CTNNA3: variants seen among roughly 807,000 people sequenced by gnomAD.
CTNNA3 encodes the protein catenin alpha 3, also known as catenin alpha-3.
CTNNA3 carries 76 observed loss-of-function variants against 95.7 expected under a neutral mutation model. That is an observed-to-expected ratio of 0.79 (90% CI 0.66 to 0.96). The LOEUF is 0.96. Among genes scored for constraint, CTNNA3 ranks in the 40% least tolerant of loss-of-function variants. The pLI is 0.00. For synonymous variants in CTNNA3, 431 were observed against 374.4 expected (o/e 1.15, Z -1.74); for missense variants, 1,191 against 1,089.8 (o/e 1.09, Z -1.31).
chr10:66,477,470 G>C (rs1392448519), intron 11 of CTNNA3, among the ~76,000 whole-genome samples: 1 of 152,062 alleles, frequency 6.6e-6, no homozygotes, highest in African/African-American at 2.4e-5. Flanking sequence ...TTATGTGGTT[G>C]ACAGTAATTT....
intron 5 of CTNNA3, among the ~76,000 whole-genome samples, chr10:67,233,877 C>A (rs1243034273): frequency 6.6e-6 from 1 of 152,178 alleles, no homozygotes; most frequent in African/African-American, 2.4e-5. Flanking sequence ...GAGAATACTA[C>A]AAACACCTCT....
At chr10:67,750,433 G>T in intron 1 of CTNNA3, 2 of 1,488,678 alleles carry the variant, frequency 1.3e-6, no homozygotes, top group Non-Finnish European at 1.9e-6. Context: ...ATGTCTATCA[G>T]AATGAACATG....
intron 10 of CTNNA3, among the ~76,000 whole-genome samples, chr10:66,586,949 C>T (rs1221491195): frequency 1.3e-5 from 2 of 152,136 alleles, no homozygotes; most frequent in Non-Finnish European, 2.9e-5. Context: ...TTCTACTGCT[C>T]CTCTAGGTCT....
At chr10:66,211,141 G>C (rs1369371044) in intron 13 of CTNNA3, among the ~76,000 whole-genome samples, 1 of 152,134 alleles carries the variant, frequency 6.6e-6, no homozygotes, top group Non-Finnish European at 1.5e-5. Flanking sequence ...CAGCACAGTT[G>C]CAACAGTAAC....
intron 9 of CTNNA3, among the ~76,000 whole-genome samples, chr10:66,706,678 G>T (rs1344465233): frequency 2.0e-5 from 3 of 151,960 alleles, no homozygotes; most frequent in African/African-American, 7.2e-5. Context: ...CTGGTAGAAA[G>T]ATAATCCTTT....
chr10:66,926,657 A>G, intron 7 of CTNNA3: 1 of 1,539,420 alleles, frequency 6.5e-7, no homozygotes, highest in Non-Finnish European at 9.0e-7. Flanking sequence ...GTGTGTAATA[A>G]TTCTGCCTTA....
chr10:66,929,913 T>C (rs934426800), intron 7 of CTNNA3, among the ~76,000 whole-genome samples: 5 of 152,216 alleles, frequency 3.3e-5, no homozygotes, highest in African/African-American at 9.6e-5. Flanking sequence ...AGTTCTATTA[T>C]AGAAGCAAAT....
chr10:66,890,019 G>C (rs1236337683), intron 7 of CTNNA3, among the ~76,000 whole-genome samples: 1 of 152,140 alleles, frequency 6.6e-6, no homozygotes, highest in African/African-American at 2.4e-5. Context: ...TTGAACTCCT[G>C]ACCTCAAGTG....
chr10:66,835,676 AG>A (rs1842862852), intron 7 of CTNNA3, among the ~76,000 whole-genome samples: 1 of 152,210 alleles, frequency 6.6e-6, no homozygotes, highest in Non-Finnish European at 1.5e-5. Context: ...TATCTCTGAA[AG>A]CTTAATAAGT....
chr10:66,016,071 T>C (rs993299405), intron 15 of CTNNA3, among the ~76,000 whole-genome samples: 3 of 152,202 alleles, frequency 2.0e-5, no homozygotes, highest in Non-Finnish European at 2.9e-5. Context: ...TCCCTAGATC[T>C]TGATAATCAG....
chr10:67,415,899 G>A (rs1001006798), intron 5 of CTNNA3, among the ~76,000 whole-genome samples: 1 of 152,124 alleles, frequency 6.6e-6, no homozygotes, highest in Non-Finnish European at 1.5e-5. Flanking sequence ...AATGGGGAAA[G>A]GACTCCCTAT....
intron 13 of CTNNA3, among the ~76,000 whole-genome samples, chr10:66,115,907 T>C (rs2082325184): frequency 6.6e-6 from 1 of 152,158 alleles, no homozygotes; most frequent in Admixed American, 6.6e-5. Flanking sequence ...AAGACAGTAA[T>C]TCAGATCTAT....
intron 10 of CTNNA3, among the ~76,000 whole-genome samples, chr10:66,619,061 A>G: frequency 6.6e-6 from 1 of 151,966 alleles, no homozygotes. Context: ...TCAGGAAACA[A>G]CAGGTGCTGG....
chr10:67,618,658 T>C (rs1843733067), intron 2 of CTNNA3, among the ~76,000 whole-genome samples: 1 of 152,192 alleles, frequency 6.6e-6, no homozygotes. Flanking sequence ...ATATGAGAGA[T>C]AATAAACATT....
chr10:66,505,788 A>G (rs947378259), intron 11 of CTNNA3, among the ~76,000 whole-genome samples: 3 of 152,338 alleles, frequency 2.0e-5, no homozygotes, highest in Admixed American at 1.3e-4. Flanking sequence ...TTAGCACTAC[A>G]TCACTTACTT....
chr10:66,740,208 T>C lies in CTNNA3; in HGVS notation c.1281+26056A>G, dbSNP rs139242703. On this transcript the variant is annotated intron_variant, in intron 9 of 17. Coordinates refer to ENST00000433211, the MANE Select transcript of CTNNA3 (RefSeq NM_013266.4). ...TTGTTTCCCTAAGAGTGACCAGACA[T>C]GGTGAGACTTTACTCAATCAGCAAG... 1.3e-4 allele frequency among the ~76,000 whole-genome samples: 20 copies of C among 152,346 alleles called. No individual in the cohort carries two copies. In the East Asian group the frequency reaches 3.5e-3, roughly 26 times the overall value.
At chr10:67,024,210 C>T (rs1001511396) in intron 7 of CTNNA3, among the ~76,000 whole-genome samples, 5 of 152,190 alleles carry the variant, frequency 3.3e-5, no homozygotes, top group Non-Finnish European at 7.4e-5. Flanking sequence ...CCTCCATCTT[C>T]AAAGCCAGCA....
intron 11 of CTNNA3, among the ~76,000 whole-genome samples, chr10:66,510,874 G>C (rs7893676): frequency 0.27 from 40,706 of 151,392 alleles, 5,847 homozygotes; most frequent in Middle Eastern, 0.39. Flanking sequence ...GCCCTTGTCT[G>C]GTTTTATTAT....
intron 5 of CTNNA3, among the ~76,000 whole-genome samples, chr10:67,508,112 C>G (rs988955757): frequency 2.0e-5 from 3 of 152,126 alleles, no homozygotes; most frequent in African/African-American, 4.8e-5. Flanking sequence ...CTCCCAGGTT[C>G]AAGCAGTTCT....
Sources: gnomAD v4.1 joint callset for allele counts (sites outside exome capture counted in the v4.1 genomes callset) on GRCh38, gnomAD v4.1.1 for gene constraint, MANE v1.5 for transcripts, NCBI Gene and HGNC (gene_info 2026-07-23, HGNC 2026-07-21) for gene names.